The following TSHZ2 variants were observed in gnomAD, a reference collection of about 807,000 sequenced individuals.
The protein encoded by TSHZ2 is teashirt zinc finger homeobox 2.
In TSHZ2, 21 loss-of-function variants were observed where a neutral mutation model predicts 74.4. The observed-to-expected ratio is 0.28, with a 90% CI of 0.20 to 0.41. The LOEUF is 0.41. Among genes scored for constraint, TSHZ2 ranks in the 10% least tolerant of loss-of-function variants. TSHZ2 has a pLI of 1.00. For synonymous variants in TSHZ2, 540 were observed against 515.3 expected (o/e 1.05, Z -0.65); for missense variants, 1,244 against 1,293.5 (o/e 0.96, Z 0.59).
At chr20:53,479,029 G>A (rs973919161) in intron 2 of TSHZ2, among the ~76,000 whole-genome samples, 2 of 152,084 alleles carry the variant, frequency 1.3e-5, no homozygotes, top group Non-Finnish European at 2.9e-5. Flanking sequence ...GCCGGGTGTG[G>A]TGGCGCATGC....
intron 1 of TSHZ2, among the ~76,000 whole-genome samples, chr20:52,983,271 T>A (rs561687359): frequency 3.3e-5 from 5 of 152,208 alleles, no homozygotes; most frequent in Non-Finnish European, 7.4e-5. Flanking sequence ...CACCTCACAT[T>A]TTACTTGTGA....
intron 1 of TSHZ2, among the ~76,000 whole-genome samples, chr20:52,999,874 A>G (rs144384454): frequency 9.8e-5 from 15 of 152,306 alleles, no homozygotes; most frequent in African/African-American, 2.9e-4. Context: ...TCTAGCTTTC[A>G]CTGAGTGCCT....
At chr20:53,069,330 G>C (rs937932602) in intron 1 of TSHZ2, among the ~76,000 whole-genome samples, 1 of 152,114 alleles carries the variant, frequency 6.6e-6, no homozygotes, top group African/African-American at 2.4e-5. Context: ...GCTGGACCGT[G>C]AGTGATTTAT....
intron 1 of TSHZ2, among the ~76,000 whole-genome samples, chr20:53,109,983 G>T (rs759182403): frequency 1.3e-5 from 2 of 152,100 alleles, no homozygotes; most frequent in Non-Finnish European, 1.5e-5. Context: ...TGTTCTGTTG[G>T]AGCTTCACAA....
chr20:53,231,913 C>CTTGCTCTG, intron 1 of TSHZ2, among the ~76,000 whole-genome samples: 1 of 152,192 alleles, frequency 6.6e-6, no homozygotes, highest in East Asian at 1.9e-4. Flanking sequence ...AGAGGAGGGT[C>CTTGCTCTG]TTGCTCTGTT....
At chr20:53,198,976 C>G (rs1179425792) in intron 1 of TSHZ2, among the ~76,000 whole-genome samples, 1 of 152,174 alleles carries the variant, frequency 6.6e-6, no homozygotes, top group African/African-American at 2.4e-5. Context: ...GGTGCCCCGA[C>G]TAGAGCACAC....
intron 1 of TSHZ2, among the ~76,000 whole-genome samples, chr20:53,166,932 G>C (rs901647978): frequency 1.3e-5 from 2 of 152,148 alleles, no homozygotes; most frequent in African/African-American, 4.8e-5. Context: ...AAAAAAACCT[G>C]ATAATGTAAT....
chr20:53,187,395 T>C (rs1476861232), intron 1 of TSHZ2, among the ~76,000 whole-genome samples: 2 of 152,040 alleles, frequency 1.3e-5, no homozygotes, highest in African/African-American at 2.4e-5. Flanking sequence ...ATGGGAGAGG[T>C]GTCTGTGTTT....
intron 1 of TSHZ2, among the ~76,000 whole-genome samples, chr20:53,174,274 T>C (rs1988271866): frequency 6.6e-6 from 1 of 152,098 alleles, no homozygotes; most frequent in Non-Finnish European, 1.5e-5. Flanking sequence ...TTTAAATCTA[T>C]GAAGAATAAA....
intron 1 of TSHZ2, among the ~76,000 whole-genome samples, chr20:53,128,945 A>C (rs1455712923): frequency 6.6e-6 from 1 of 152,150 alleles, no homozygotes; most frequent in Non-Finnish European, 1.5e-5. Context: ...CATATGCGCC[A>C]GGAGAAAGTC....
At chr20:53,011,866 G>A (rs1043728372) in intron 1 of TSHZ2, among the ~76,000 whole-genome samples, 3 of 152,112 alleles carry the variant, frequency 2.0e-5, no homozygotes, top group African/African-American at 2.4e-5. Context: ...GTCCCCATCT[G>A]CCTTCCCAAT....
rs142486422 is a variant in TSHZ2, at chr20:53,080,836, CAA to C, written c.40+107505_40+107506del. ...TATCATTTTTGTTGATCCAGAATAA[CAA>C]AGAGATGAACAGCCTAAGTCCACCA... is the stretch of plus-strand genomic sequence containing the variant. On this transcript the variant is annotated intron_variant, in intron 1 of 2. Transcript: ENST00000371497. 8.7e-3 allele frequency among the ~76,000 whole-genome samples: 1,320 copies of C among 152,222 alleles called. 18 individuals are homozygous for C. Among genetic ancestry groups the C allele is most frequent in the African/African-American group, 0.03 (1,244 of 41,542 alleles).
At chr20:53,405,335 C>T (rs1290276803) in intron 2 of TSHZ2, among the ~76,000 whole-genome samples, 2 of 151,932 alleles carry the variant, frequency 1.3e-5, no homozygotes, top group Non-Finnish European at 2.9e-5. Context: ...AGTAATCTTA[C>T]AGGCGTGTGC....
At chr20:53,291,001 C>G (rs1257931820) in intron 2 of TSHZ2, among the ~76,000 whole-genome samples, 1 of 152,094 alleles carries the variant, frequency 6.6e-6, no homozygotes, top group Non-Finnish European at 1.5e-5. Context: ...ACTACCTAGT[C>G]CTTTACAGGA....
intron 2 of TSHZ2, among the ~76,000 whole-genome samples, chr20:53,431,173 A>C (rs537875011): frequency 6.6e-6 from 1 of 151,866 alleles, no homozygotes; most frequent in Non-Finnish European, 1.5e-5. Context: ...CAGGAAAGGC[A>C]CTTAGGGCTG....
rs188179410 is a variant in TSHZ2 at position 53,202,284 on chromosome 20, A to G, written c.41-51215A>G. On this transcript the variant is annotated intron_variant, in intron 1 of 2. Coordinates refer to ENST00000371497, the MANE Select transcript of TSHZ2 (RefSeq NM_173485.6). Reference sequence around the variant, plus strand: ...TACACCTTTGCTTGGCCATTGTGGAAAAAGAACCTAATATCCTGTGTATCA... The same window carrying G: ...TACACCTTTGCTTGGCCATTGTGGAGAAAGAACCTAATATCCTGTGTATCA... Among the ~76,000 whole-genome samples the G allele has an allele frequency of 5.7e-3, 864 of 152,300 alleles. 10 individuals carry two copies. Among genetic ancestry groups the G allele is most frequent in the African/African-American group, 0.02 (830 of 41,558 alleles).
chr20:53,274,711 AC>A (rs1463089207), intron 2 of TSHZ2, among the ~76,000 whole-genome samples: 1 of 152,234 alleles, frequency 6.6e-6, no homozygotes, highest in African/African-American at 2.4e-5. Flanking sequence ...TTGAACCAAT[AC>A]GAGCACCAAA....
At chr20:53,026,561 A>G (rs1441430249) in intron 1 of TSHZ2, among the ~76,000 whole-genome samples, 3 of 152,218 alleles carry the variant, frequency 2.0e-5, no homozygotes, top group African/African-American at 7.2e-5. Flanking sequence ...AGACAAGCCA[A>G]CAAAACTTCT....
At chr20:53,059,118 T>A (rs1984736972) in intron 1 of TSHZ2, among the ~76,000 whole-genome samples, 1 of 149,150 alleles carries the variant, frequency 6.7e-6, no homozygotes, top group Admixed American at 6.8e-5. Context: ...CCAGGTAAAA[T>A]GAGTCCATGG....
Sources: allele counts gnomAD v4.1 joint callset (sites outside exome capture counted in the v4.1 genomes callset), GRCh38; gene constraint gnomAD v4.1.1; transcripts MANE v1.5; gene names NCBI Gene and HGNC (gene_info 2026-07-23, HGNC 2026-07-21).